The following MS4A15 variants were observed in gnomAD, a reference collection of about 807,000 sequenced individuals.
MS4A15 encodes the protein membrane-spanning 4-domains subfamily A member 15.
Under a neutral mutation model 20.6 loss-of-function variants are expected in MS4A15, and 22 were observed. The observed-to-expected ratio is 1.07, with a 90% CI of 0.76 to 1.52. The LOEUF (loss-of-function observed/expected upper bound fraction) is 1.52, where lower values mean the gene tolerates loss of function less well. Among genes scored for constraint, MS4A15 ranks in the 40% most tolerant of loss-of-function variants. The pLI, the probability that MS4A15 is intolerant of heterozygous loss-of-function variation, is 0.00. For missense variants in MS4A15, 312 were observed against 323.0 expected (o/e 0.97, Z 0.26); for synonymous variants, 129 against 129.3 (o/e 1.00, Z 0.02).
chr11:60,761,067 T>G (rs936567213), intron 1 of MS4A15, among the ~76,000 whole-genome samples: 1 of 152,226 alleles, frequency 6.6e-6, no homozygotes, highest in Non-Finnish European at 1.5e-5. Context: ...ACTGGAGTCA[T>G]GTTCTAAATC....
chr11:60,764,630 G>T (rs533787908), intron 2 of MS4A15, among the ~76,000 whole-genome samples: 20 of 152,310 alleles, frequency 1.3e-4, no homozygotes, highest in African/African-American at 4.3e-4. Context: ...AAAGCTTTAG[G>T]CCAGGTGAGG....
chr11:60,760,667 A>G (rs1853716293), intron 1 of MS4A15, among the ~76,000 whole-genome samples: 1 of 152,220 alleles, frequency 6.6e-6, no homozygotes, highest in African/African-American at 2.4e-5. Flanking sequence ...TAAGATCAAC[A>G]TACAACCCAA....
chr11:60,765,817 T>C, intron 2 of MS4A15, among the ~76,000 whole-genome samples: 1 of 147,840 alleles, frequency 6.8e-6, no homozygotes, highest in East Asian at 2.0e-4. Context: ...TTGTGGCCCA[T>C]GGAGACAGCG....
chr11:60,775,966 AC>A lies in MS4A15; in HGVS notation c.*254del, dbSNP rs1246026594. The A allele has an allele frequency of 2.7e-6, 1 of 367,160 alleles. No homozygotes were observed. The highest frequency in any genetic ancestry group is 4.2e-5 in the East Asian group (1 of 23,560). 22.7% of individuals were successfully genotyped at this position (367,160 alleles called of 1,614,324 possible). ...GTCCTTCAGCTCCCTGAGCCCTGTC[AC>A]CCTTCCAGGACACCCACCTTGTGCA... is the stretch of plus-strand genomic sequence containing the variant. On this transcript the variant is annotated 3_prime_UTR_variant, in exon 7 of 7. Transcript: ENST00000405633.
At chr11:60,773,588 G>A in intron 5 of MS4A15, 104 bp downstream of exon 5, 1 of 1,023,242 alleles carries the variant, frequency 9.8e-7, no homozygotes, top group Non-Finnish European at 1.5e-6. Flanking sequence ...ACGTTGGCAG[G>A]GCCTGCCAGT....
intron 2 of MS4A15, among the ~76,000 whole-genome samples, chr11:60,765,261 G>T (rs1853856762): frequency 6.6e-6 from 1 of 152,154 alleles, no homozygotes; most frequent in South Asian, 2.1e-4. Flanking sequence ...TGTACTGGTT[G>T]GGTTGCAGTT....
intron 1 of MS4A15, among the ~76,000 whole-genome samples, chr11:60,757,873 A>T (rs923867819): frequency 8.5e-5 from 13 of 152,214 alleles, no homozygotes; most frequent in African/African-American, 3.1e-4. Flanking sequence ...TTTTTGGCGC[A>T]TTCCCTGTTA....
At chr11:60,772,232 C>A (rs184431952) in intron 4 of MS4A15, among the ~76,000 whole-genome samples, 3 of 152,206 alleles carry the variant, frequency 2.0e-5, no homozygotes, top group Admixed American at 2.0e-4. Flanking sequence ...AAGGGGTGGG[C>A]CGAGAGGGAG....
At chr11:60,761,650 A>G (rs1853742400) in intron 1 of MS4A15, among the ~76,000 whole-genome samples, 1 of 152,198 alleles carries the variant, frequency 6.6e-6, no homozygotes. Flanking sequence ...TAAAAGGGAA[A>G]CAAGCTTTAA....
In MS4A15 at chr11:60,763,873, T is replaced by A. The variant is rs1032939; in HGVS notation, c.140T>A (p.Leu47Gln). The change falls in exon 2 of 7, where the codon CTG becomes CAG. Residue 47 changes from leucine to glutamine, a missense_variant. Coordinates refer to ENST00000405633, the MANE Select transcript of MS4A15 (RefSeq NM_001098835.2). ...ATTATGCAGTTTGAGGAGCCACCGC[T>A]GGGGGCACAGACACCAAGGGCCACA... ...PGIMQFEEPP[L>Q]GAQTPRATQP... 5.0e-6 allele frequency: 8 copies of A among 1,612,598 alleles called. No individual in the cohort carries two copies. In the East Asian group the frequency reaches 6.7e-5, roughly 13 times the overall value.
chr11:60,763,680 C>T, intron 1 of MS4A15, 26 bp from the exon 2 acceptor site: 1 of 1,579,180 alleles, frequency 6.3e-7, no homozygotes, highest in Admixed American at 1.7e-5. Context: ...GGGTGACAAT[C>T]ATCATTGCCA....
intron 3 of MS4A15, 119 bp downstream of exon 3, chr11:60,767,774 G>A: frequency 1.6e-6 from 2 of 1,247,492 alleles, no homozygotes; most frequent in Non-Finnish European, 2.1e-6. Context: ...GGGGCCTGGA[G>A]GCACTTCCTA....
chr11:60,761,398 C>T (rs976594394), intron 1 of MS4A15, among the ~76,000 whole-genome samples: 1 of 152,244 alleles, frequency 6.6e-6, no homozygotes, highest in Non-Finnish European at 1.5e-5. Context: ...TGAAGCTACA[C>T]AAGTGCCTGA....
At chr11:60,767,482 G>A in intron 2 of MS4A15, 51 bp from the exon 3 acceptor site, 1 of 1,422,432 alleles carries the variant, frequency 7.0e-7, no homozygotes. Context: ...GGGCCGGCAG[G>A]GGGCGGTGTG....
chr11:60,773,778 C>G (rs1720948747), intron 5 of MS4A15, 59 bp from the exon 6 acceptor site: 10 of 1,466,004 alleles, frequency 6.8e-6, no homozygotes, highest in South Asian at 1.1e-5. Context: ...GGTTCTCACT[C>G]GGGGGACCCC....
intron 4 of MS4A15, among the ~76,000 whole-genome samples, chr11:60,772,154 C>A (rs1164996459): frequency 6.6e-6 from 1 of 152,164 alleles, no homozygotes; most frequent in Non-Finnish European, 1.5e-5. Context: ...AGGGCAACAA[C>A]CACGGAAGAG....
At chr11:60,770,095 G>A (rs959444690) in intron 3 of MS4A15, among the ~76,000 whole-genome samples, 10 of 152,318 alleles carry the variant, frequency 6.6e-5, no homozygotes, top group Non-Finnish European at 1.3e-4. Flanking sequence ...TCAGGCGACT[G>A]CCAAGTACAT....
chr11:60,772,179 G>A (rs984614558), intron 4 of MS4A15, among the ~76,000 whole-genome samples: 1 of 152,184 alleles, frequency 6.6e-6, no homozygotes, highest in Non-Finnish European at 1.5e-5. Context: ...GTCGGGAAAC[G>A]CCATGGCTGG....
intron 6 of MS4A15, 131 bp downstream of exon 6, chr11:60,774,081 G>A (rs1854121528): frequency 1.4e-6 from 1 of 696,546 alleles, no homozygotes; most frequent in Non-Finnish European, 2.5e-6. Flanking sequence ...AGAAGAGACA[G>A]CGCTAGGAAG....
Sources: gnomAD v4.1 joint callset for allele counts (sites outside exome capture counted in the v4.1 genomes callset) on GRCh38, gnomAD v4.1.1 for gene constraint, MANE v1.5 for transcripts, NCBI Gene and HGNC (gene_info 2026-07-23, HGNC 2026-07-21) for gene names.